RNF175: variants seen among roughly 807,000 people sequenced by gnomAD.
RNF175 encodes the protein ring finger protein 175.
In RNF175, 38 loss-of-function variants were observed where a neutral mutation model predicts 50.0. That is an observed-to-expected ratio of 0.76 (90% CI 0.59 to 1.00). The LOEUF (loss-of-function observed/expected upper bound fraction) is 1.00, where lower values mean the gene tolerates loss of function less well. Ranked by LOEUF, RNF175 falls within the 50% of genes least tolerant of loss-of-function variation. The probability of loss-of-function intolerance (pLI) is 0.00; values close to 1 mark genes in which losing one functional copy is unlikely to be tolerated. For missense variants in RNF175, 388 were observed against 409.6 expected (o/e 0.95, Z 0.46); for synonymous variants, 155 against 146.1 (o/e 1.06, Z -0.44).
intron 7 of RNF175, chr4:153,714,417 T>A (rs1383547695): frequency 6.6e-6 from 1 of 152,168 alleles, no homozygotes; most frequent in East Asian, 1.9e-4. Context: ...CTTTCAGGAT[T>A]GAATAAGTGG....
chr4:153,749,417 G>A (rs186976449), intron 2 of RNF175, among the ~76,000 whole-genome samples: 19 of 152,298 alleles, frequency 1.2e-4, no homozygotes, highest in African/African-American at 3.9e-4. Context: ...CCCTGCAGAT[G>A]GTGCTTATGC....
chr4:153,724,890 A>G (rs369666517), intron 4 of RNF175, among the ~76,000 whole-genome samples: 1 of 148,512 alleles, frequency 6.7e-6, no homozygotes, highest in East Asian at 2.0e-4. Flanking sequence ...CCCAGGGGGG[A>G]GTAGGCAGGG....
Position 153,715,573 on chromosome 4 carries a change from T to C in RNF175, c.720A>G (p.Glu240=), listed in dbSNP as rs1481914844. The change falls in exon 7 of 9, where the codon GAA becomes GAG. Residue 240 remains glutamate (E), a synonymous_variant. Coordinates refer to ENST00000347063, the MANE Select transcript of RNF175 (RefSeq NM_173662.4). ...GGTAGGTGTTTTCAATGAGCCCTTC[T>C]TCATCAAGCTCCACAATGATCTTCT... ...CGQKIIVELD[E]EGLIENTYQL... is the part of the protein sequence containing the mutation. 4.3e-6 allele frequency: 7 copies of C among 1,612,762 alleles called. No homozygotes were observed. Among genetic ancestry groups the C allele is most frequent in the Admixed American group, 1.7e-5 (1 of 59,816 alleles).
chr4:153,749,646 T>C (rs12643219), intron 2 of RNF175, among the ~76,000 whole-genome samples: 24,111 of 152,204 alleles, frequency 0.16, 2,535 homozygotes, highest in East Asian at 0.37. Context: ...CTTTTAACGT[T>C]CTGGGGTAGC....
At chr4:153,716,431 A>T (rs1298292035) in intron 6 of RNF175, among the ~76,000 whole-genome samples, 1 of 152,184 alleles carries the variant, frequency 6.6e-6, no homozygotes, top group Non-Finnish European at 1.5e-5. Flanking sequence ...TATTGGGTGC[A>T]TGCTGAGCAA....
At chr4:153,713,738 T>C (rs1737738829) in intron 7 of RNF175, 1 of 152,164 alleles carries the variant, frequency 6.6e-6, no homozygotes, top group African/African-American at 2.4e-5. Context: ...GGAATTGGGG[T>C]CATTTTTGCA....
At chr4:153,723,638 A>G (rs1419648399) in intron 4 of RNF175, among the ~76,000 whole-genome samples, 180 bp from the exon 5 acceptor site, 1 of 152,254 alleles carries the variant, frequency 6.6e-6, no homozygotes, top group Non-Finnish European at 1.5e-5. Context: ...CATTATATGA[A>G]TAGAACTATC....
chr4:153,752,780 A>T (rs1014243455), intron 1 of RNF175, among the ~76,000 whole-genome samples: 3 of 152,222 alleles, frequency 2.0e-5, no homozygotes, highest in Non-Finnish European at 4.4e-5. Context: ...GCAAAAAACT[A>T]ATAAGCATAT....
chr4:153,741,509 T>G (rs1739655929), intron 3 of RNF175, among the ~76,000 whole-genome samples: 2 of 152,206 alleles, frequency 1.3e-5, no homozygotes, highest in African/African-American at 4.8e-5. Flanking sequence ...ACATTTGATA[T>G]GGCATTGTCG....
intron 3 of RNF175, among the ~76,000 whole-genome samples, chr4:153,742,339 A>G (rs528720973): frequency 2.6e-5 from 4 of 151,836 alleles, no homozygotes; most frequent in African/African-American, 7.2e-5. Flanking sequence ...AAGCAGATGT[A>G]CTGCTTTGAA....
Position 153,758,118 on chromosome 4 carries a change from A to T in RNF175, c.66+1679T>A, listed in dbSNP as rs374690156. Reference sequence around the variant, plus strand: ...CAGGTAGTGATAAGGGTGATGAAGGAAAATAAAATAGGGTGAGGTTCAAAC... The same window carrying T: ...CAGGTAGTGATAAGGGTGATGAAGGTAAATAAAATAGGGTGAGGTTCAAAC... On this transcript the variant is annotated intron_variant, in intron 1 of 8. Coordinates refer to ENST00000347063, the MANE Select transcript of RNF175 (RefSeq NM_173662.4). Among the ~76,000 whole-genome samples the T allele has an allele frequency of 3.3e-5, 5 of 152,290 alleles. No individual in the cohort carries two copies. In the South Asian group the frequency reaches 8.3e-4, roughly 25 times the overall value.
chr4:153,751,403 A>C, intron 2 of RNF175, 35 bp downstream of exon 2: 7 of 1,419,516 alleles, frequency 4.9e-6, no homozygotes, highest in Non-Finnish European at 6.7e-6. Flanking sequence ...TCTAATTTTT[A>C]GCAAAACAAC....
chr4:153,724,980 G>A (rs1738597063), intron 4 of RNF175, among the ~76,000 whole-genome samples: 1 of 107,588 alleles, frequency 9.3e-6, no homozygotes, highest in Non-Finnish European at 2.1e-5. Context: ...GAGCGGGCAG[G>A]GGTGAGCTGT....
chr4:153,750,442 A>G (rs1333005641), intron 2 of RNF175, among the ~76,000 whole-genome samples: 1 of 152,174 alleles, frequency 6.6e-6, no homozygotes, highest in South Asian at 2.1e-4. Flanking sequence ...CAGCCCACAG[A>G]GCCCAGTAAA....
intron 7 of RNF175, 65 bp downstream of exon 7, chr4:153,715,464 G>T (rs1737845867): frequency 1.4e-5 from 21 of 1,469,928 alleles, no homozygotes; most frequent in Non-Finnish European, 2.0e-5. Flanking sequence ...ACAGGAGGAG[G>T]AGGAGGAGAA....
chr4:153,742,710 G>A (rs1461804106), intron 3 of RNF175, among the ~76,000 whole-genome samples: 2 of 151,842 alleles, frequency 1.3e-5, no homozygotes, highest in Non-Finnish European at 2.9e-5. Context: ...TTTCACAAAG[G>A]GGATAAAAAA....
chr4:153,740,404 A>C (rs1739587828), intron 3 of RNF175, among the ~76,000 whole-genome samples: 1 of 152,192 alleles, frequency 6.6e-6, no homozygotes, highest in Admixed American at 6.5e-5. Context: ...TGATCAAATC[A>C]GGCTAATTAG....
chr4:153,714,148 G>A (rs899730875), intron 7 of RNF175: 1 of 152,170 alleles, frequency 6.6e-6, no homozygotes, highest in Non-Finnish European at 1.5e-5. Flanking sequence ...TTTTAAAGGT[G>A]GAGAGAGAAA....
At chr4:153,725,629 G>A (rs1738654142) in intron 4 of RNF175, among the ~76,000 whole-genome samples, 1 of 152,216 alleles carries the variant, frequency 6.6e-6, no homozygotes, top group African/African-American at 2.4e-5. Context: ...CAGCCAAGTA[G>A]TTCTTTGGTC....
Sources: allele counts gnomAD v4.1 joint callset (sites outside exome capture counted in the v4.1 genomes callset), GRCh38; gene constraint gnomAD v4.1.1; transcripts MANE v1.5; gene names NCBI Gene and HGNC (gene_info 2026-07-23, HGNC 2026-07-21).